VAV3: variants seen among roughly 807,000 people sequenced by gnomAD.
VAV3 encodes guanine nucleotide exchange factor VAV3.
A neutral mutation model predicts 131.2 loss-of-function variants in VAV3; 94 were observed. The ratio of observed to expected loss-of-function variants is 0.72; its 90% CI spans 0.61 to 0.85. The LOEUF is 0.85. Ranked by LOEUF, VAV3 falls within the 40% of genes least tolerant of loss-of-function variation. VAV3 has a pLI of 0.00. For synonymous variants in VAV3, 349 were observed against 342.0 expected, an observed-to-expected ratio of 1.02 and a Z score of -0.22; for missense variants, 939 against 1,002.7, an observed-to-expected ratio of 0.94 and a Z score of 0.86.
At chr1:107,885,625 TTCC>T (rs1351892800) in intron 1 of VAV3, among the ~76,000 whole-genome samples, 3 of 152,154 alleles carry the variant, frequency 2.0e-5, no homozygotes, top group African/African-American at 7.2e-5. Flanking sequence ...CCTAAGTCTC[TTCC>T]TCCTCATTTA....
chr1:107,678,785 T>A (rs1275290553), intron 19 of VAV3, among the ~76,000 whole-genome samples: 1 of 152,082 alleles, frequency 6.6e-6, no homozygotes, highest in Non-Finnish European at 1.5e-5. Context: ...TTGAGACATT[T>A]GTGTTTCCCA....
intron 1 of VAV3, among the ~76,000 whole-genome samples, chr1:107,928,450 T>C (rs7539164): frequency 0.03 from 4,540 of 152,320 alleles, 66 homozygotes; most frequent in Non-Finnish European, 0.035. Flanking sequence ...AACAGAGATA[T>C]GTGACCTTTC....
intron 15 of VAV3, among the ~76,000 whole-genome samples, chr1:107,742,142 A>C (rs1227575943): frequency 6.6e-6 from 1 of 152,200 alleles, no homozygotes; most frequent in Non-Finnish European, 1.5e-5. Context: ...GATCCACACT[A>C]TATAGCCTTC....
At chr1:107,676,782 G>A (rs1175147882) in intron 19 of VAV3, among the ~76,000 whole-genome samples, 1 of 151,906 alleles carries the variant, frequency 6.6e-6, no homozygotes, top group Non-Finnish European at 1.5e-5. Flanking sequence ...TTGTTTCCTT[G>A]TCCTGTGTCC....
intron 15 of VAV3, among the ~76,000 whole-genome samples, chr1:107,724,426 T>C (rs1429460479): frequency 1.3e-5 from 2 of 152,158 alleles, no homozygotes; most frequent in Admixed American, 6.5e-5. Flanking sequence ...CATTCTTTTA[T>C]TCAATAAGTG....
At chr1:107,653,266 T>G (rs1307745535) in intron 19 of VAV3, among the ~76,000 whole-genome samples, 2 of 151,870 alleles carry the variant, frequency 1.3e-5, no homozygotes, top group Non-Finnish European at 2.9e-5. Flanking sequence ...TATGGAGCCC[T>G]TAGCTCAGAG....
intron 19 of VAV3, among the ~76,000 whole-genome samples, chr1:107,654,236 C>T (rs1327571258): frequency 2.6e-5 from 4 of 152,014 alleles, no homozygotes; most frequent in Admixed American, 2.0e-4. Flanking sequence ...CATCACTACT[C>T]TTTTCCAAGA....
intron 8 of VAV3, among the ~76,000 whole-genome samples, chr1:107,765,437 C>T (rs1250773409): frequency 6.6e-6 from 1 of 152,162 alleles, no homozygotes; most frequent in Non-Finnish European, 1.5e-5. Flanking sequence ...TACAAACTGG[C>T]TTGATGACTG....
chr1:107,879,815 C>T (rs1224722513), intron 1 of VAV3, among the ~76,000 whole-genome samples: 2 of 152,112 alleles, frequency 1.3e-5, no homozygotes, highest in Non-Finnish European at 2.9e-5. Context: ...AATTAAATAA[C>T]TTTAAATTTC....
chr1:107,753,549 T>TACACACACACACAC (rs1553201322), intron 12 of VAV3, among the ~76,000 whole-genome samples: 14 of 82,066 alleles, frequency 1.7e-4, no homozygotes, highest in Middle Eastern at 5.8e-3. Flanking sequence ...TATATATATA[T>TACACACACACACAC]ACACACACAC....
rs1239091796 is a variant in VAV3 at position 107,772,860 on chromosome 1, C to A, written c.447-17G>T. 24 of 1,598,706 alleles carry A rather than the reference C, an allele frequency of 1.5e-5. No homozygotes were observed. Among genetic ancestry groups the A allele is most frequent in the Non-Finnish European group, 1.9e-5 (22 of 1,169,494 alleles). On this transcript the variant is annotated splice_polypyrimidine_tract_variant and intron_variant, in intron 4 of 26. Coordinates refer to ENST00000370056, the MANE Select transcript of VAV3 (RefSeq NM_006113.5). The stretch of plus-strand genomic sequence containing the variant: ...AGGGTTTCACTACAACAAAGGATAT[C>A]ATATAAGGTCATTTTCTATTATGCA...
rs749112269 is a variant in VAV3, at chr1:107,574,166, C to T, written c.2383G>A (p.Ala795Thr). Residue 795 changes from alanine to threonine, a missense_variant, in exon 26 of 27, where the codon GCT becomes ACT. Ala to Thr is a moderately conservative substitution (Grantham distance 58). Transcript: ENST00000370056. ...TCTCTTGCACAGAAGTCATACCGAG[C>T]GATGGCAATGCCCAGCACTTTTGGA... The part of the protein sequence containing the change: ...LSPKVLGIAI[A>T]RYDFCARDMR... 7 of 1,613,784 alleles carry T rather than the reference C, an allele frequency of 4.3e-6. No individual in the cohort carries two copies. The highest frequency in any genetic ancestry group is 1.3e-5 in the African/African-American group (1 of 75,020).
chr1:107,846,153 T>C (rs1668956258), intron 2 of VAV3, among the ~76,000 whole-genome samples: 1 of 152,136 alleles, frequency 6.6e-6, no homozygotes, highest in African/African-American at 2.4e-5. Context: ...TTCAACATTC[T>C]TAAAGAAAAG....
intron 15 of VAV3, among the ~76,000 whole-genome samples, chr1:107,747,350 G>T (rs1011764916): frequency 6.6e-6 from 1 of 151,404 alleles, no homozygotes; most frequent in East Asian, 1.9e-4. Flanking sequence ...ATAGCCAAAC[G>T]AAACCCATAA....
At position 107,779,618 on chromosome 1, in the gene VAV3, G is replaced by A. The variant is rs1665573113; in HGVS notation, c.322-126C>T. On this transcript the variant is annotated intron_variant, in intron 2 of 26. Coordinates refer to ENST00000370056, the MANE Select transcript of VAV3 (RefSeq NM_006113.5). ...ACATAAATTTGCAGGTGTCAAAGAT[G>A]TGCAGAATGAGAAGGGCTGTGATTG... is the stretch of plus-strand genomic sequence containing the variant. 5.5e-6 allele frequency: 3 copies of A among 544,736 alleles called. No individual in the cohort carries two copies. In the African/African-American group the frequency reaches 5.9e-5, roughly 11 times the overall value. 33.7% of individuals were successfully genotyped at this position (544,736 alleles called of 1,614,324 possible). A position where few individuals can be genotyped will look rare whatever the true frequency, so the allele number is the denominator to read the frequency against.
At chr1:107,908,562 T>C (rs1366257313) in intron 1 of VAV3, among the ~76,000 whole-genome samples, 2 of 152,220 alleles carry the variant, frequency 1.3e-5, no homozygotes, top group African/African-American at 4.8e-5. Flanking sequence ...AATAAATGTG[T>C]ACTGCATTTG....
At chr1:107,626,153 A>G (rs889347712) in intron 20 of VAV3, among the ~76,000 whole-genome samples, 5 of 152,186 alleles carry the variant, frequency 3.3e-5, no homozygotes, top group African/African-American at 1.2e-4. Context: ...AAAAATGCCC[A>G]TTTTGAGAAT....
intron 24 of VAV3, among the ~76,000 whole-genome samples, chr1:107,599,074 T>TTA (rs1419494839): frequency 4.6e-5 from 7 of 152,192 alleles, no homozygotes; most frequent in Non-Finnish European, 1.0e-4. Context: ...GATTTGGTGA[T>TTA]TATTTAATAC....
chr1:107,705,257 G>A (rs1660374389), intron 15 of VAV3, among the ~76,000 whole-genome samples, 196 bp from the exon 16 acceptor site: 1 of 151,186 alleles, frequency 6.6e-6, no homozygotes, highest in Non-Finnish European at 1.5e-5. Context: ...GGCTGTGTGG[G>A]AACAAGCAAC....
Sources: gnomAD v4.1 joint callset for allele counts (sites outside exome capture counted in the v4.1 genomes callset) on GRCh38, gnomAD v4.1.1 for gene constraint, MANE v1.5 for transcripts, NCBI Gene and HGNC (gene_info 2026-07-23, HGNC 2026-07-21) for gene names.